Variants in DYSF observed in about 807,000 individuals in gnomAD.
The protein encoded by DYSF is dystrophy-associated fer-1-like 1.
In DYSF, 212 loss-of-function variants were observed where a neutral mutation model predicts 274.9. The observed-to-expected ratio is 0.77, with a 90% CI of 0.69 to 0.86. The LOEUF is 0.86. Ranked by LOEUF, DYSF falls within the 40% of genes least tolerant of loss-of-function variation. The pLI, the probability that DYSF is intolerant of heterozygous loss-of-function variation, is 0.00. For missense variants in DYSF, 2,666 were observed against 2,783.2 expected, an observed-to-expected ratio of 0.96 and a Z score of 0.95; for synonymous variants, 1,091 against 1,078.7, an observed-to-expected ratio of 1.01 and a Z score of -0.22.
upstream of DYSF, among the ~76,000 whole-genome samples, chr2:71,462,570 C>T (rs1176246186): frequency 2.0e-5 from 3 of 152,182 alleles, no homozygotes; most frequent in Non-Finnish European, 2.9e-5. Context: ...GGTCCTGGGT[C>T]CTTGTCCTAT....
chr2:71,658,876 A>C lies in DYSF; in HGVS notation c.4756-2A>C. On this transcript the variant is annotated splice_acceptor_variant, in intron 43 of 55. Coordinates refer to ENST00000410020, the MANE Select transcript of DYSF (RefSeq NM_001130987.2). LOFTEE classifies it high-confidence loss of function. ...TGAAAATTAACCCTTCCTTCTTTTCAGGGCCTCTTCAAAATTTATCCCCTC... is the reference window on the plus strand; with the variant it reads ...TGAAAATTAACCCTTCCTTCTTTTCCGGGCCTCTTCAAAATTTATCCCCTC... 6.2e-7 allele frequency: 1 copy of C among 1,614,174 alleles called. No homozygotes were observed. The highest frequency in any genetic ancestry group is 8.5e-7 in the Non-Finnish European group (1 of 1,180,012).
chr2:71,635,762 A>AAAAAAAAT (rs2094391399), intron 41 of DYSF, among the ~76,000 whole-genome samples: 2 of 109,006 alleles, frequency 1.8e-5, no homozygotes, highest in Non-Finnish European at 3.9e-5. Flanking sequence ...AAAAAAAAAA[A>AAAAAAAAT]AAAGAAAGAA....
At chr2:71,637,727 A>G (rs1572886153) in intron 41 of DYSF, among the ~76,000 whole-genome samples, 1 of 152,194 alleles carries the variant, frequency 6.6e-6, no homozygotes, top group East Asian at 1.9e-4. Flanking sequence ...ACAATGGAAC[A>G]AGAGAGGTGG....
intron 16 of DYSF, among the ~76,000 whole-genome samples, chr2:71,538,658 A>G (rs2089626791): frequency 6.6e-6 from 1 of 152,212 alleles, no homozygotes; most frequent in Admixed American, 6.5e-5. Flanking sequence ...CAGATACAAA[A>G]AGGAATCGTG....
At chr2:71,640,017 A>T (rs1297557064) in intron 41 of DYSF, among the ~76,000 whole-genome samples, 1 of 152,204 alleles carries the variant, frequency 6.6e-6, no homozygotes, top group Non-Finnish European at 1.5e-5. Flanking sequence ...TGTCAAACTG[A>T]TACTATTATT....
Position 71,686,487 on chromosome 2 carries a change from A to G in DYSF, c.6355A>G (p.Ser2119Gly). The G allele has an allele frequency of 1.2e-6, 2 of 1,614,108 alleles. No individual in the cohort carries two copies. The highest frequency in any genetic ancestry group is 2.2e-5 in the South Asian group (2 of 91,088). ...YAAMKLVKPF[S>G] The stretch of plus-strand genomic sequence containing the variant: ...TGCCATGAAGCTGGTGAAGCCCTTC[A>G]GCTGAGGACTCTCCTGCCCTGTAGA... The change falls in exon 56 of 56, where the codon AGC becomes GGC. Residue 2119 changes from serine (S) to glycine (G), a missense_variant. Around this residue, in one of 3 missense-constraint regions of DYSF, gnomAD observed 1,460 missense variants for 1,502.1 expected, o/e 0.97. Transcript: ENST00000410020.
chr2:71,516,129 C>A (rs753807885), intron 8 of DYSF, 51 bp from the exon 9 acceptor site: 1 of 1,574,240 alleles, frequency 6.4e-7, no homozygotes, highest in Non-Finnish European at 8.7e-7. Context: ...CTCTCCCTGG[C>A]CTGAGGGATC....
intron 1 of DYSF, among the ~76,000 whole-genome samples, chr2:71,478,472 G>A (rs11676787): frequency 0.48 from 72,672 of 151,762 alleles, 18,069 homozygotes; most frequent in African/African-American, 0.6. Context: ...CAGCCTCCCA[G>A]AGTGCTGGGA....
intron 34 of DYSF, 37 bp from the exon 35 acceptor site, chr2:71,601,462 C>G (rs2093549036): frequency 1.2e-6 from 2 of 1,613,976 alleles, no homozygotes; most frequent in African/African-American, 2.7e-5. Flanking sequence ...CCTTAGGTGA[C>G]AAGCACATGA....
intron 1 of DYSF, among the ~76,000 whole-genome samples, chr2:71,474,832 A>AAT (rs2082282444): frequency 1.3e-5 from 2 of 152,206 alleles, no homozygotes; most frequent in African/African-American, 4.8e-5. Context: ...CAGTTAAGGA[A>AAT]GCCTGGAGCA....
At chr2:71,611,000 G>T (rs138444225) in intron 36 of DYSF, 1 of 557,402 alleles carries the variant, frequency 1.8e-6, no homozygotes, top group Non-Finnish European at 3.3e-6. Flanking sequence ...ACGGGATTCA[G>T]TTGGAACAAG....
In DYSF at chr2:71,553,828, C is replaced by A; in HGVS notation, c.2006C>A (p.Pro669His). ...VFDGCHYYYL[P>H]WGNVKPVVVL... is the part of the protein sequence containing the mutation. ...CCAGGGTGCCACTACTACTACCTAC[C>A]CTGGGGTAACGTGAAACCTGTGGTG... Residue 669 changes from proline to histidine, a missense_variant, in exon 21 of 56, where the codon CCC (proline) becomes CAC (histidine). Around this residue, in one of 3 missense-constraint regions of DYSF, gnomAD observed 412 missense variants for 504.0 expected, o/e 0.82. Transcript: ENST00000410020. 1 of 1,551,604 alleles carries A rather than the reference C, an allele frequency of 6.4e-7. No homozygotes were observed. The highest frequency in any genetic ancestry group is 1.1e-5 in the South Asian group (1 of 90,282).
chr2:71,668,359 G>A (rs558918543), intron 48 of DYSF, among the ~76,000 whole-genome samples: 3 of 152,156 alleles, frequency 2.0e-5, no homozygotes, highest in Non-Finnish European at 2.9e-5. Context: ...TTCACACCTC[G>A]CTTGCAGAGA....
chr2:71,592,003 G>A (rs956922673), intron 32 of DYSF, among the ~76,000 whole-genome samples: 1 of 152,252 alleles, frequency 6.6e-6, no homozygotes, highest in Non-Finnish European at 1.5e-5. Context: ...AACTTGTCCT[G>A]GGAAACTTGT....
chr2:71,521,800 C>T (rs115784722), intron 12 of DYSF, among the ~76,000 whole-genome samples: 2,213 of 152,206 alleles, frequency 0.015, 41 homozygotes, highest in African/African-American at 0.05. Context: ...TCTTCCTTTA[C>T]CTGGGTATAG....
chr2:71,526,418 T>TGTG, intron 13 of DYSF, 72 bp downstream of exon 13: 10 of 261,492 alleles, frequency 3.8e-5, no homozygotes, highest in African/African-American at 4.6e-5. Context: ...GGGTGGGCGA[T>TGTG]GGCGGGCGGG....
intron 41 of DYSF, among the ~76,000 whole-genome samples, chr2:71,628,123 C>T (rs1316218314): frequency 6.6e-6 from 1 of 151,980 alleles, no homozygotes; most frequent in Non-Finnish European, 1.5e-5. Flanking sequence ...TATTCCCCTC[C>T]TTTTTTCCAT....
intron 17 of DYSF, among the ~76,000 whole-genome samples, chr2:71,548,200 G>A (rs892868038): frequency 1.9e-4 from 29 of 152,288 alleles, no homozygotes; most frequent in African/African-American, 6.7e-4. Flanking sequence ...GGGCTGGGCC[G>A]GGCCCTCCTT....
At chr2:71,623,599 T>A (rs2094149879) in intron 41 of DYSF, among the ~76,000 whole-genome samples, 1 of 152,134 alleles carries the variant, frequency 6.6e-6, no homozygotes, top group South Asian at 2.1e-4. Flanking sequence ...CCTTTTGGTA[T>A]AAATCATATC....
Sources: gnomAD v4.1 joint callset for allele counts (sites outside exome capture counted in the v4.1 genomes callset) on GRCh38, gnomAD v4.1.1 for gene constraint, gnomAD v4.1.1 regional missense constraint, MANE v1.5 for transcripts, NCBI Gene and HGNC (gene_info 2026-07-23, HGNC 2026-07-21) for gene names.